VAMP3: variants seen among roughly 807,000 people sequenced by gnomAD.
VAMP3 encodes the protein vesicle-associated membrane protein 3.
Under a neutral mutation model 18.1 loss-of-function variants are expected in VAMP3, and 11 were observed. That is an observed-to-expected ratio of 0.61 (90% CI 0.38 to 1.00). VAMP3 has a LOEUF of 1.00. Among genes scored for constraint, VAMP3 ranks in the 50% least tolerant of loss-of-function variants. The pLI, the probability that VAMP3 is intolerant of heterozygous loss-of-function variation, is 0.01. For synonymous variants in VAMP3, 49 were observed against 43.1 expected (o/e 1.14, Z -0.53); for missense variants, 122 against 127.3 (o/e 0.96, Z 0.20).
intron 4 of VAMP3, among the ~76,000 whole-genome samples, 153 bp from the exon 5 acceptor site, chr1:7,779,473 C>T (rs2097055988): frequency 6.6e-6 from 1 of 152,122 alleles, no homozygotes; most frequent in Admixed American, 6.5e-5. Flanking sequence ...TCCTCTAGCC[C>T]TCTATAGAAT....
chr1:7,773,635 C>A, intron 2 of VAMP3, 124 bp downstream of exon 2: 1 of 920,256 alleles, frequency 1.1e-6, no homozygotes. Context: ...ATAATTGTAA[C>A]GAAACTTTGC....
In VAMP3 at chr1:7,778,132, G is replaced by T. The variant is rs752545513; in HGVS notation, c.246G>T (p.Gly82=). Residue 82 remains glycine, a synonymous_variant, in exon 4 of 5, where the codon GGG becomes GGT. Coordinates refer to ENST00000054666, the MANE Select transcript of VAMP3 (RefSeq NM_004781.4). The stretch of plus-strand genomic sequence containing the variant: ...TTTTGTTACAGATGTGGGCAATCGG[G>T]ATTACTGTTCTGGTTATCTTCATCA... The part of the protein sequence containing the change: ...WWKNCKMWAI[G]ITVLVIFIII... 2 of 1,614,174 alleles carry T rather than the reference G, an allele frequency of 1.2e-6. No individual in the cohort carries two copies. The highest frequency in any genetic ancestry group is 2.7e-5 in the African/African-American group (2 of 75,050).
chr1:7,775,339 T>C (rs2097053753), intron 2 of VAMP3, among the ~76,000 whole-genome samples: 1 of 151,816 alleles, frequency 6.6e-6, no homozygotes, highest in African/African-American at 2.4e-5. Flanking sequence ...ATTTTTTTTA[T>C]TTTTTTTATT....
chr1:7,773,438 C>G lies in VAMP3; in HGVS notation c.3-4C>G. On this transcript the variant is annotated splice_region_variant and splice_polypyrimidine_tract_variant and intron_variant, in intron 1 of 4. Coordinates refer to ENST00000054666, the MANE Select transcript of VAMP3 (RefSeq NM_004781.4). ...ACTCATGCTCATGCCTTTACATGTT[C>G]CAGGTCTACAGGTCCAACTGCTGCC... 1 of 1,613,600 alleles carries G rather than the reference C, an allele frequency of 6.2e-7. No homozygotes were observed. Among genetic ancestry groups the G allele is most frequent in the Non-Finnish European group, 8.5e-7 (1 of 1,179,608 alleles).
intron 4 of VAMP3, among the ~76,000 whole-genome samples, chr1:7,778,372 A>G (rs1376793345): frequency 6.6e-6 from 1 of 152,108 alleles, no homozygotes; most frequent in Non-Finnish European, 1.5e-5. Context: ...CTCTACAAAC[A>G]ATTGTTAATA....
intron 1 of VAMP3, among the ~76,000 whole-genome samples, chr1:7,772,186 A>T (rs2150365070): frequency 6.6e-6 from 1 of 152,348 alleles, no homozygotes; most frequent in Non-Finnish European, 1.5e-5. Context: ...GTAAAATAGG[A>T]GTAATATTCC....
At chr1:7,773,187 C>A (rs940097330) in intron 1 of VAMP3, 1 of 463,156 alleles carries the variant, frequency 2.2e-6, no homozygotes, top group Non-Finnish European at 3.9e-6. Flanking sequence ...TCAGATACTT[C>A]AGGGATACAA....
intron 2 of VAMP3, among the ~76,000 whole-genome samples, chr1:7,776,141 C>A (rs2097054193): frequency 6.6e-6 from 1 of 152,188 alleles, no homozygotes; most frequent in Non-Finnish European, 1.5e-5. Flanking sequence ...ATTAAGTCTT[C>A]CAGTGTGTGA....
rs1465344229 is a variant in VAMP3, at chr1:7,771,376, C to T, written c.-8C>T. On this transcript the variant is annotated 5_prime_UTR_variant, in exon 1 of 5. Transcript: ENST00000054666. ...CTCGTCGCCGCTGCCGCCGCCGCAG[C>T]TGCCAAAATGTGAGTGACGCTACGC... is the stretch of plus-strand genomic sequence containing the variant. The T allele has an allele frequency of 3.1e-6, 5 of 1,594,146 alleles. No homozygotes were observed. The East Asian group carries it at 9.4e-5, about 30-fold the overall frequency.
At chr1:7,773,812 C>T (rs1383771567) in intron 2 of VAMP3, among the ~76,000 whole-genome samples, 2 of 152,210 alleles carry the variant, frequency 1.3e-5, no homozygotes, top group African/African-American at 4.8e-5. Context: ...CCAAGAAGCA[C>T]TTTATAAAAT....
intron 2 of VAMP3, among the ~76,000 whole-genome samples, chr1:7,775,040 T>G (rs904464680): frequency 6.6e-6 from 1 of 152,242 alleles, no homozygotes; most frequent in Non-Finnish European, 1.5e-5. Context: ...AGAGTTCCTG[T>G]TTCTCCACAT....
chr1:7,774,724 ACGTGTTGTACCGTGTTC>A (rs1405811911), intron 2 of VAMP3, among the ~76,000 whole-genome samples: 2 of 152,194 alleles, frequency 1.3e-5, no homozygotes, highest in African/African-American at 2.4e-5. Context: ...TCAAGTTGTA[ACGTGTTGTACCGTGTTC>A]CTTTTTACGG....
chr1:7,775,458 C>G (rs978939203), intron 2 of VAMP3, among the ~76,000 whole-genome samples: 11 of 152,118 alleles, frequency 7.2e-5, no homozygotes, highest in African/African-American at 2.7e-4. Flanking sequence ...AGTGATTCTC[C>G]TGCCTCAGCC....
At chr1:7,774,271 T>C (rs573104811) in intron 2 of VAMP3, among the ~76,000 whole-genome samples, 143 of 152,370 alleles carry the variant, frequency 9.4e-4, no homozygotes, top group African/African-American at 3.3e-3. Context: ...CATGAACTTA[T>C]ACAATTTTAG....
intron 2 of VAMP3, among the ~76,000 whole-genome samples, chr1:7,773,881 C>T (rs1244644094): frequency 6.6e-6 from 1 of 152,210 alleles, no homozygotes; most frequent in South Asian, 2.1e-4. Flanking sequence ...ACCAGTTCTT[C>T]TGATCAGATT....
At chr1:7,776,007 A>G (rs1266678040) in intron 2 of VAMP3, among the ~76,000 whole-genome samples, 2 of 152,222 alleles carry the variant, frequency 1.3e-5, no homozygotes, top group Non-Finnish European at 2.9e-5. Flanking sequence ...CTAGACTCTC[A>G]GTTCTATTCC....
intron 2 of VAMP3, among the ~76,000 whole-genome samples, chr1:7,774,099 A>G (rs1223961902): frequency 2.0e-5 from 3 of 152,216 alleles, no homozygotes; most frequent in African/African-American, 7.2e-5. Context: ...ACAGCAGAAG[A>G]TTGAGAAATT....
intron 2 of VAMP3, among the ~76,000 whole-genome samples, chr1:7,774,163 C>T (rs1038916393): frequency 6.6e-6 from 1 of 152,192 alleles, no homozygotes; most frequent in African/African-American, 2.4e-5. Flanking sequence ...AAATATATTT[C>T]GGTCTTTCTG....
In VAMP3 at chr1:7,780,517, T is replaced by C. The variant is rs1366341330; in HGVS notation, c.*872T>C. ...TGTGGCTCCCCTTCTGATTCAGTATTTTGCATGGGGGTTAGAGAAGGTTTG... is the reference window on the plus strand; with the variant it reads ...TGTGGCTCCCCTTCTGATTCAGTATCTTGCATGGGGGTTAGAGAAGGTTTG... On this transcript the variant is annotated 3_prime_UTR_variant, in exon 5 of 5. Coordinates refer to ENST00000054666, the MANE Select transcript of VAMP3 (RefSeq NM_004781.4). The C allele has an allele frequency of 1.3e-5, 2 of 152,672 alleles. No homozygotes were observed. The highest frequency in any genetic ancestry group is 3.8e-4 in the East Asian group (2 of 5,326). The allele number at this position is 152,672 out of a possible 1,614,324, so 9.5% of individuals were successfully genotyped here.
Sources: allele counts gnomAD v4.1 joint callset (sites outside exome capture counted in the v4.1 genomes callset), GRCh38; gene constraint gnomAD v4.1.1; transcripts MANE v1.5; gene names NCBI Gene and HGNC (gene_info 2026-07-23, HGNC 2026-07-21).